The following FSTL5 variants were observed in gnomAD, a reference collection of about 807,000 sequenced individuals.
FSTL5 encodes follistatin-related protein 5.
A neutral mutation model predicts 89.1 loss-of-function variants in FSTL5; 62 were observed. The ratio of observed to expected loss-of-function variants is 0.70; its 90% CI spans 0.57 to 0.86. The LOEUF (loss-of-function observed/expected upper bound fraction) is 0.86. FSTL5 is among the 40% of genes least tolerant of loss of function. The pLI is 0.00. For synonymous variants in FSTL5, 383 were observed against 346.2 expected (o/e 1.11, Z -1.18); for missense variants, 1,057 against 1,001.6 (o/e 1.06, Z -0.75).
intron 3 of FSTL5, among the ~76,000 whole-genome samples, chr4:161,987,243 G>T (rs1010801988): frequency 7.9e-5 from 12 of 151,734 alleles, no homozygotes; most frequent in Non-Finnish European, 1.6e-4. Context: ...CTTTCTTATG[G>T]CTTATAGAGT....
At chr4:162,137,408 G>A (rs1041831239) in intron 1 of FSTL5, among the ~76,000 whole-genome samples, 3 of 151,948 alleles carry the variant, frequency 2.0e-5, no homozygotes, top group African/African-American at 4.8e-5. Flanking sequence ...TTTGCTTTAG[G>A]AACAAGGAAT....
chr4:161,394,077 G>A (rs1245584412), intron 15 of FSTL5, among the ~76,000 whole-genome samples: 1 of 152,118 alleles, frequency 6.6e-6, no homozygotes, highest in African/African-American at 2.4e-5. Flanking sequence ...GAGTGAGGAC[G>A]TGACATGTAT....
intron 6 of FSTL5, among the ~76,000 whole-genome samples, chr4:161,658,458 CAAA>C (rs35942081): frequency 7.8e-6 from 1 of 127,412 alleles, no homozygotes. Context: ...GAATCCGTCT[CAAA>C]AAAAAAAAAA....
At chr4:161,458,862 C>T (rs779216592) in intron 14 of FSTL5, among the ~76,000 whole-genome samples, 1 of 152,150 alleles carries the variant, frequency 6.6e-6, no homozygotes, top group Non-Finnish European at 1.5e-5. Flanking sequence ...ATGGAGAAGG[C>T]CTTGAAGCTT....
At chr4:161,976,639 G>A (rs1221678064) in intron 3 of FSTL5, among the ~76,000 whole-genome samples, 1 of 151,982 alleles carries the variant, frequency 6.6e-6, no homozygotes, top group Non-Finnish European at 1.5e-5. Flanking sequence ...CCGCCACCAC[G>A]CCTGGCTAAT....
At chr4:161,669,368 A>T (rs1410030481) in intron 6 of FSTL5, among the ~76,000 whole-genome samples, 1 of 152,056 alleles carries the variant, frequency 6.6e-6, no homozygotes, top group East Asian at 1.9e-4. Flanking sequence ...GTATTAGAAG[A>T]CTGATACTAC....
intron 6 of FSTL5, among the ~76,000 whole-genome samples, chr4:161,659,478 A>G (rs773714593): frequency 1.1e-4 from 16 of 152,204 alleles, no homozygotes; most frequent in Non-Finnish European, 2.1e-4. Flanking sequence ...AGCACAGATT[A>G]GCACAGATTT....
At chr4:161,762,811 T>G (rs1232384205) in intron 5 of FSTL5, among the ~76,000 whole-genome samples, 1 of 151,392 alleles carries the variant, frequency 6.6e-6, no homozygotes, top group African/African-American at 2.4e-5. Flanking sequence ...TCTTTTACAC[T>G]TTTTTTTTCA....
intron 2 of FSTL5, among the ~76,000 whole-genome samples, chr4:162,057,124 C>T (rs947639360): frequency 6.6e-6 from 1 of 152,216 alleles, no homozygotes; most frequent in African/African-American, 2.4e-5. Flanking sequence ...GCGTGTGGCC[C>T]ATCTGCCCGA....
At chr4:161,430,041 T>C (rs1278835879) in intron 15 of FSTL5, among the ~76,000 whole-genome samples, 2 of 151,702 alleles carry the variant, frequency 1.3e-5, no homozygotes, top group Non-Finnish European at 2.9e-5. Context: ...AACAAAGAGA[T>C]TGAAATAATT....
chr4:161,940,350 G>GA (rs1734545293), intron 3 of FSTL5, among the ~76,000 whole-genome samples: 1 of 151,254 alleles, frequency 6.6e-6, no homozygotes, highest in Admixed American at 6.6e-5. Flanking sequence ...AGAGGAGAGA[G>GA]AAAAAAAGAA....
intron 8 of FSTL5, among the ~76,000 whole-genome samples, chr4:161,546,689 G>A (rs1162989206): frequency 1.3e-5 from 2 of 151,958 alleles, no homozygotes; most frequent in African/African-American, 4.8e-5. Flanking sequence ...AATCTAAAAA[G>A]TCTTATAACA....
At chr4:161,417,864 G>A (rs1406886414) in intron 15 of FSTL5, among the ~76,000 whole-genome samples, 1 of 152,186 alleles carries the variant, frequency 6.6e-6, no homozygotes, top group Non-Finnish European at 1.5e-5. Flanking sequence ...GTTAGGATTA[G>A]TCATGAAGTT....
intron 4 of FSTL5, among the ~76,000 whole-genome samples, chr4:161,800,802 G>T (rs1482657606): frequency 6.6e-6 from 1 of 151,552 alleles, no homozygotes; most frequent in East Asian, 1.9e-4. Flanking sequence ...TGTTCTTCAG[G>T]AAGTATAAAT....
chr4:162,140,648 T>C (rs1253179745), intron 1 of FSTL5, among the ~76,000 whole-genome samples: 3 of 152,176 alleles, frequency 2.0e-5, no homozygotes, highest in African/African-American at 7.2e-5. Context: ...TTCAGACTGA[T>C]GTATTGATAA....
rs1226573697 is a variant in FSTL5 at position 161,728,162 on chromosome 4, TAA to T, written c.727+31247_727+31248del. 2.6e-5 allele frequency among the ~76,000 whole-genome samples: 4 copies of T among 152,270 alleles called. No homozygotes were observed. In the East Asian group the frequency reaches 5.8e-4, roughly 22 times the overall value. ...TAATACGGATCCATGGAGAGATTTATAAAGAGTAGTAACTTAACAGTTTTGAA... is the reference window on the plus strand; with the variant it reads ...TAATACGGATCCATGGAGAGATTTATAGAGTAGTAACTTAACAGTTTTGAA... On this transcript the variant is annotated intron_variant, in intron 6 of 15. Transcript: ENST00000306100.
At chr4:161,485,721 T>C (rs1157839917) in intron 12 of FSTL5, among the ~76,000 whole-genome samples, 2 of 152,168 alleles carry the variant, frequency 1.3e-5, no homozygotes, top group African/African-American at 4.8e-5. Flanking sequence ...AATAAAAATA[T>C]TCCAAACATA....
chr4:161,614,524 A>G (rs1734771910), intron 7 of FSTL5, among the ~76,000 whole-genome samples: 1 of 152,194 alleles, frequency 6.6e-6, no homozygotes. Flanking sequence ...GAACAACCTT[A>G]GAGAGAACTG....
intron 8 of FSTL5, chr4:161,552,685 A>G (rs1732256438): frequency 6.6e-6 from 1 of 151,738 alleles, no homozygotes; most frequent in Non-Finnish European, 1.5e-5. Flanking sequence ...CATGTAATCG[A>G]CATGTGTCTC....
Sources: allele counts gnomAD v4.1 joint callset (sites outside exome capture counted in the v4.1 genomes callset), GRCh38; gene constraint gnomAD v4.1.1; transcripts MANE v1.5; gene names NCBI Gene and HGNC (gene_info 2026-07-23, HGNC 2026-07-21).